MEGF8: variants seen among roughly 807,000 people sequenced by gnomAD.
MEGF8 encodes the protein multiple epidermal growth factor-like domains protein 8.
Under a neutral mutation model 302.9 loss-of-function variants are expected in MEGF8, and 156 were observed. That is an observed-to-expected ratio of 0.52 (90% confidence interval 0.45 to 0.59). The LOEUF (loss-of-function observed/expected upper bound fraction) is 0.59, where lower values mean the gene tolerates loss of function less well. Among genes scored for constraint, MEGF8 ranks in the 20% least tolerant of loss-of-function variants. The pLI, the probability that MEGF8 is intolerant of heterozygous loss-of-function variation, is 0.00. For synonymous variants in MEGF8, 1,621 were observed against 1,660.5 expected (o/e 0.98, Z 0.58); for missense variants, 3,345 against 3,964.5 (o/e 0.84, Z 4.20).
In MEGF8 at chr19:42,363,075, A is replaced by T; in HGVS notation, c.6086A>T (p.Gln2029Leu). The change falls in exon 35 of 42, where the codon CAG becomes CTG. Residue 2029 changes from glutamine to leucine, a missense_variant. Coordinates refer to ENST00000251268, the MANE Select transcript of MEGF8 (RefSeq NM_001271938.2). The part of the protein sequence containing the change: ...TGETRRILSV[Q>L]PTYDWTCFSH... The stretch of plus-strand genomic sequence containing the variant: ...GAGACCCGCCGCATCCTCTCCGTGC[A>T]GCCCACCTATGACTGGACGTGCTTC... The T allele has an allele frequency of 6.2e-7, 1 of 1,613,266 alleles. No homozygotes were observed. The highest frequency in any genetic ancestry group is 8.5e-7 in the Non-Finnish European group (1 of 1,179,602).
chr19:42,341,202 C>T (rs182811090), intron 8 of MEGF8, among the ~76,000 whole-genome samples: 11 of 152,062 alleles, frequency 7.2e-5, no homozygotes, highest in African/African-American at 7.2e-5. Flanking sequence ...GAGGCCAAGG[C>T]GGGAAAATCG....
intron 9 of MEGF8, 69 bp from the exon 10 acceptor site, chr19:42,343,885 C>T (rs1009625563): frequency 1.6e-5 from 25 of 1,552,304 alleles, no homozygotes; most frequent in African/African-American, 2.7e-5. Flanking sequence ...CTTGGGAGGC[C>T]GGCCCAGGTC....
chr19:42,364,362 C>T (rs1440246572), intron 35 of MEGF8, among the ~76,000 whole-genome samples: 1 of 152,138 alleles, frequency 6.6e-6, no homozygotes, highest in Non-Finnish European at 1.5e-5. Context: ...AGCAATGTCA[C>T]TCAGCCAGAG....
chr19:42,363,004 G>T (rs373412321), intron 34 of MEGF8, 44 bp from the exon 35 acceptor site: 1 of 1,544,888 alleles, frequency 6.5e-7, no homozygotes, highest in South Asian at 1.2e-5. Flanking sequence ...CTGGGCTTGC[G>T]ATCTCCTGGG....
At position 42,352,368 on chromosome 19, in the gene MEGF8, C is replaced by T. The variant is rs756454771; in HGVS notation, c.3262C>T (p.Arg1088Trp). 7.6e-6 allele frequency: 12 copies of T among 1,588,708 alleles called. No individual in the cohort carries two copies. The highest frequency in any genetic ancestry group is 5.7e-5 in the South Asian group (5 of 87,328). Reference sequence around the variant, plus strand: ...CCTGGGCCTGGCCCGGTGCCACCCGCGGGCGACCTGCCTGAACACGCCCCT... The same window carrying T: ...CCTGGGCCTGGCCCGGTGCCACCCGTGGGCGACCTGCCTGAACACGCCCCT... ...CRLGLARCHP[R>W]ATCLNTPLSY... The change falls in exon 19 of 42, where the codon CGG (arginine) becomes TGG (tryptophan). Residue 1088 changes from arginine (R) to tryptophan (W), a missense_variant. Arg to Trp is a moderately radical substitution (Grantham distance 101, BLOSUM62 -3). Transcript: ENST00000251268. The surrounding 1 kb of genome is among the most constrained non-coding windows in gnomAD (Gnocchi z 4.4).
At chr19:42,343,657 G>A in intron 9 of MEGF8, 26 bp downstream of exon 9, 2 of 1,578,444 alleles carry the variant, frequency 1.3e-6, no homozygotes, top group Non-Finnish European at 8.6e-7. Flanking sequence ...ACAGGGAAAG[G>A]GTGGCTGGGG....
Position 42,352,541 on chromosome 19 carries a change from G to T in MEGF8, c.3350+85G>T. The T allele has an allele frequency of 6.9e-7, 1 of 1,459,248 alleles. No individual in the cohort carries two copies. Among genetic ancestry groups the T allele is most frequent in the Non-Finnish European group, 9.2e-7 (1 of 1,090,786 alleles). The allele number at this position is 1,459,248 out of a possible 1,614,324, so 90.4% of individuals were successfully genotyped here. On this transcript the variant is annotated intron_variant, in intron 19 of 41. Transcript: ENST00000251268. This position sits in a 1 kb window ranked among gnomAD's most constrained non-coding sequence, Gnocchi z 4.4. Reference sequence around the variant, plus strand: ...AGGGAGGAAGCCATCATGGCGCTGGGTCCCCTCCTGTGGAACCAGCATCCC... The same window carrying T: ...AGGGAGGAAGCCATCATGGCGCTGGTTCCCCTCCTGTGGAACCAGCATCCC...
chr19:42,369,374 AG>A lies in MEGF8; in HGVS notation c.6642-152del, dbSNP rs560480258. ...AGAGAGGGTTGTGGGCTACACCTGGAGGGGGTGGTGGGCTAGATCCTGAAGA... is the reference window on the plus strand; with the variant it reads ...AGAGAGGGTTGTGGGCTACACCTGGAGGGGTGGTGGGCTAGATCCTGAAGA... On this transcript the variant is annotated intron_variant, in intron 37 of 41. Coordinates refer to ENST00000251268, the MANE Select transcript of MEGF8 (RefSeq NM_001271938.2). The surrounding 1 kb of genome is among the most constrained non-coding windows in gnomAD (Gnocchi z 5.7). 3.7e-4 allele frequency among the ~76,000 whole-genome samples: 56 copies of A among 152,296 alleles called. No individual in the cohort carries two copies. Among genetic ancestry groups the A allele is most frequent in the African/African-American group, 1.3e-3 (55 of 41,564 alleles).
At chr19:42,343,671 G>T in intron 9 of MEGF8, 40 bp downstream of exon 9, 2 of 1,554,454 alleles carry the variant, frequency 1.3e-6, no homozygotes, top group East Asian at 4.6e-5. Context: ...GCTGGGGGGA[G>T]GAGGTAGCAG....
intron 41 of MEGF8, among the ~76,000 whole-genome samples, chr19:42,373,745 C>T (rs1362265286): frequency 8.0e-6 from 1 of 124,890 alleles, no homozygotes; most frequent in Non-Finnish European, 1.6e-5. Context: ...ACAGGGCTTA[C>T]TCTGTCACCC....
At position 42,357,313 on chromosome 19, in the gene MEGF8, G is replaced by T; in HGVS notation, c.4831-91G>T. The T allele has an allele frequency of 6.8e-7, 1 of 1,466,000 alleles. No individual in the cohort carries two copies. Among genetic ancestry groups the T allele is most frequent in the Non-Finnish European group, 9.3e-7 (1 of 1,074,562 alleles). 90.8% of individuals were successfully genotyped at this position (1,466,000 alleles called of 1,614,324 possible). On this transcript the variant is annotated intron_variant, in intron 27 of 41. Transcript: ENST00000251268. The surrounding 1 kb of genome is among the most constrained non-coding windows in gnomAD (Gnocchi z 5.2). ...GGTCATTCCCTCCTTAGTACTTCAG[G>T]GAGGACTGTGGGGGGCTGAGGCTCG...
At chr19:42,372,354 T>G (rs573954549) in intron 41 of MEGF8, among the ~76,000 whole-genome samples, 1 of 152,298 alleles carries the variant, frequency 6.6e-6, no homozygotes, top group African/African-American at 2.4e-5. Context: ...TTTCCCTTTT[T>G]CTTCTGCACA....
chr19:42,354,735 G>A lies in MEGF8; in HGVS notation c.4144+15G>A. 6.3e-7 allele frequency: 1 copy of A among 1,591,024 alleles called. No individual in the cohort carries two copies. Among genetic ancestry groups the A allele is most frequent in the Non-Finnish European group, 8.5e-7 (1 of 1,170,138 alleles). ...GGCCCTGTCTGGTACGGGGGCTAGG[G>A]GAAGTGGGACCTCTTAGTCCTGGGC... On this transcript the variant is annotated intron_variant, in intron 23 of 41. Transcript: ENST00000251268. The surrounding 1 kb of genome is among the most constrained non-coding windows in gnomAD (Gnocchi z 4.3).
In MEGF8 at chr19:42,344,175, G is replaced by A; in HGVS notation, c.1788+102G>A. 1 of 1,445,336 alleles carries A rather than the reference G, an allele frequency of 6.9e-7. No homozygotes were observed. The highest frequency in any genetic ancestry group is 9.2e-7 in the Non-Finnish European group (1 of 1,085,372). 89.5% of individuals were successfully genotyped at this position (1,445,336 alleles called of 1,614,324 possible). On this transcript the variant is annotated intron_variant, in intron 10 of 41. Transcript: ENST00000251268. The surrounding 1 kb of genome is among the most constrained non-coding windows in gnomAD (Gnocchi z 4.5). ...GACAAGAACTTTCCCTCAACTGGGA[G>A]ACTTGTTTTCATGCCGGAGATCCTC... is the stretch of plus-strand genomic sequence containing the variant.
chr19:42,348,457 T>C lies in MEGF8; in HGVS notation c.2283T>C (p.Pro761=). ...LHVLARMARG[P]DTENMEEVGR... ...TCCTGGCCCGGATGGCCCGTGGCCC[T>C]GACACGGAGAACATGGTGAGGCCGC... The change falls in exon 13 of 42, where the codon CCT becomes CCC. Residue 761 remains proline (P), a synonymous_variant. Transcript: ENST00000251268. The C allele has an allele frequency of 1.3e-6, 2 of 1,521,608 alleles. No individual in the cohort carries two copies. The highest frequency in any genetic ancestry group is 1.8e-6 in the Non-Finnish European group (2 of 1,135,806). The allele number at this position is 1,521,608 out of a possible 1,614,324, so 94.3% of individuals were successfully genotyped here.
At chr19:42,334,950 C>T (rs1385792769) in intron 3 of MEGF8, 85 bp from the exon 4 acceptor site, 1 of 1,355,224 alleles carries the variant, frequency 7.4e-7, no homozygotes, top group Non-Finnish European at 9.9e-7. Flanking sequence ...TCTCATTCTG[C>T]CTCTTTTCCT....
chr19:42,332,569 T>C (rs1306527094), intron 1 of MEGF8, among the ~76,000 whole-genome samples: 1 of 152,180 alleles, frequency 6.6e-6, no homozygotes, highest in African/African-American at 2.4e-5. Flanking sequence ...GGTTTCGCCA[T>C]GTTGGCTAGG....
chr19:42,343,542 T>C lies in MEGF8; in HGVS notation c.1579T>C (p.Leu527=), dbSNP rs776922420. ...VAAVLGGSVL[L]VAGGYSGRPR... ...TGCGGTGCTTGGTGGCAGCGTCCTG[T>C]TGGTGGCTGGGGGGTACAGCGGCCG... The change falls in exon 9 of 42, where the codon TTG becomes CTG. Residue 527 remains leucine (L), a synonymous_variant. Coordinates refer to ENST00000251268, the MANE Select transcript of MEGF8 (RefSeq NM_001271938.2). 1.8e-5 allele frequency: 29 copies of C among 1,613,550 alleles called. No individual in the cohort carries two copies. In the East Asian group the frequency reaches 6.0e-4, roughly 33 times the overall value.
chr19:42,345,418 T>C (rs2039275605), intron 12 of MEGF8, among the ~76,000 whole-genome samples: 1 of 152,258 alleles, frequency 6.6e-6, no homozygotes, highest in Non-Finnish European at 1.5e-5. Flanking sequence ...AGGACAACCC[T>C]GGACTCACTA....
Sources: gnomAD v4.1 joint callset for allele counts (sites outside exome capture counted in the v4.1 genomes callset) on GRCh38, gnomAD v4.1.1 for gene constraint, Gnocchi (gnomAD v3.1) non-coding constraint, MANE v1.5 for transcripts, NCBI Gene and HGNC (gene_info 2026-07-23, HGNC 2026-07-21) for gene names.